Variants in TRPC5 observed in about 807,000 individuals in gnomAD.
TRPC5 encodes short transient receptor potential channel 5.
Under a neutral mutation model 56.5 loss-of-function variants are expected in TRPC5, and 9 were observed. The observed-to-expected ratio is 0.16, with a 90% confidence interval of 0.10 to 0.28. The LOEUF (loss-of-function observed/expected upper bound fraction) is 0.28. TRPC5 is among the 10% of genes least tolerant of loss of function. The pLI, the probability that TRPC5 is intolerant of heterozygous loss-of-function variation, is 1.00. For synonymous variants in TRPC5, 282 were observed against 278.5 expected (o/e 1.01, Z -0.13); for missense variants, 469 against 748.9 (o/e 0.63, Z 4.36).
chrX:111,846,612 C>T (rs1922934652), intron 6 of TRPC5, among the ~76,000 whole-genome samples: 1 of 111,249 alleles, frequency 9.0e-6, no homozygotes, highest in Admixed American at 9.6e-5. Context: ...AGAGTGGATT[C>T]TAGTCCTACC....
intron 7 of TRPC5, among the ~76,000 whole-genome samples, chrX:111,809,139 T>A (rs1921618024): frequency 9.0e-6 from 1 of 110,881 alleles, no homozygotes; most frequent in African/African-American, 3.3e-5. Flanking sequence ...GTACAAGCAC[T>A]CCCTTGGCCG....
chrX:112,074,944 G>A (rs950990411), intron 1 of TRPC5, among the ~76,000 whole-genome samples: 5 of 111,940 alleles, frequency 4.5e-5, no homozygotes, highest in African/African-American at 1.3e-4. Flanking sequence ...TAACTGCCCC[G>A]TAACAAATGT....
At chrX:111,964,641 C>T (rs200434258) in intron 1 of TRPC5, among the ~76,000 whole-genome samples, 1 of 112,573 alleles carries the variant, frequency 8.9e-6, no homozygotes, top group African/African-American at 3.2e-5. Context: ...AGAAACTCTA[C>T]AAGCCAGAAG....
At chrX:111,778,909 A>G in intron 10 of TRPC5, 76 bp downstream of exon 10, 4 of 725,063 alleles carry the variant, frequency 5.5e-6, no homozygotes, top group Non-Finnish European at 8.1e-6. Flanking sequence ...TTCCATCACC[A>G]GAAACCTCAC....
chrX:111,887,651 G>A lies in TRPC5; in HGVS notation c.900+24640C>T, dbSNP rs190322130. On this transcript the variant is annotated intron_variant, in intron 3 of 10. Transcript: ENST00000262839. ...AATGTGAAATGGAGATAAATTCTGTGTTACCCTACCCACCTCATATAGTAA... is the reference window on the plus strand; with the variant it reads ...AATGTGAAATGGAGATAAATTCTGTATTACCCTACCCACCTCATATAGTAA... Among the ~76,000 whole-genome samples, 35 of 112,303 alleles carry A rather than the reference G, an allele frequency of 3.1e-4. No individual in the cohort carries two copies. The East Asian group carries it at 8.1e-3, about 26-fold the overall frequency.
intron 1 of TRPC5, among the ~76,000 whole-genome samples, chrX:111,977,388 T>C (rs970695028): frequency 3.2e-4 from 36 of 111,952 alleles, no homozygotes; most frequent in African/African-American, 1.2e-3. Context: ...AAGGATAGAC[T>C]CTTCAACAAA....
At chrX:111,853,175 G>T (rs1242448093) in intron 4 of TRPC5, among the ~76,000 whole-genome samples, 1 of 111,510 alleles carries the variant, frequency 9.0e-6, no homozygotes, top group African/African-American at 3.3e-5. Flanking sequence ...TGATATTGCT[G>T]GTTTGGGGAC....
chrX:111,782,802 A>C (rs1313739102), intron 7 of TRPC5, among the ~76,000 whole-genome samples: 2 of 49,295 alleles, frequency 4.1e-5, no homozygotes, highest in South Asian at 1.3e-3. Flanking sequence ...CAATCATTAT[A>C]ATCAACACAC....
At chrX:111,800,783 A>G (rs954583796) in intron 7 of TRPC5, among the ~76,000 whole-genome samples, 2 of 111,154 alleles carry the variant, frequency 1.8e-5, no homozygotes, top group African/African-American at 6.5e-5. Context: ...TATAATATGT[A>G]TAACATACAA....
intron 2 of TRPC5, among the ~76,000 whole-genome samples, chrX:111,939,562 CT>C (rs774353935): frequency 9.0e-6 from 1 of 111,483 alleles, no homozygotes; most frequent in South Asian, 3.7e-4. Context: ...TTTATTATAG[CT>C]TTGTTCTCAT....
chrX:111,800,398 G>A (rs745947118), intron 7 of TRPC5, among the ~76,000 whole-genome samples: 1 of 111,448 alleles, frequency 9.0e-6, no homozygotes, highest in Non-Finnish European at 1.9e-5. Context: ...TTGGAAGGCC[G>A]AGGAGGGTGG....
chrX:111,896,485 C>G (rs150162769), intron 3 of TRPC5: 115 of 110,243 alleles, frequency 1.0e-3, no homozygotes, highest in African/African-American at 3.7e-3. Flanking sequence ...TCCCTCTCAG[C>G]TCTATCACAG....
At chrX:112,077,275 T>C (rs1027522483) in intron 1 of TRPC5, among the ~76,000 whole-genome samples, 2 of 111,741 alleles carry the variant, frequency 1.8e-5, no homozygotes, top group Non-Finnish European at 1.9e-5. Context: ...TTACATGAAC[T>C]CTCTTGCCCA....
In TRPC5 at chrX:111,771,013, A is replaced by G. The variant is rs1404465316; in HGVS notation, c.*5300T>C. ...AGTCAAAGGGCAAATATGCTGAAAA[A>G]TGGTGAAAATGACCTTCACGTTGCA... On this transcript the variant is annotated 3_prime_UTR_variant, in exon 11 of 11. Transcript: ENST00000262839. Among the ~76,000 whole-genome samples the G allele has an allele frequency of 8.9e-6, 1 of 112,031 alleles. No individual in the cohort carries two copies. The highest frequency in any genetic ancestry group is 1.9e-5 in the Non-Finnish European group (1 of 53,201).
intron 7 of TRPC5, among the ~76,000 whole-genome samples, chrX:111,803,612 AT>A (rs1189528321): frequency 8.9e-6 from 1 of 112,126 alleles, no homozygotes. Context: ...GATGGTGAGC[AT>A]TTTTTCATGT....
At chrX:111,993,316 G>T (rs762356370) in intron 1 of TRPC5, among the ~76,000 whole-genome samples, 7 of 111,769 alleles carry the variant, frequency 6.3e-5, no homozygotes, top group African/African-American at 2.3e-4. Flanking sequence ...GGACATTTGG[G>T]TTGGTTCCCA....
At chrX:112,059,462 G>T (rs1162644589) in intron 1 of TRPC5, among the ~76,000 whole-genome samples, 3 of 111,980 alleles carry the variant, frequency 2.7e-5, no homozygotes, top group Admixed American at 9.5e-5. Context: ...GAACTGTTCA[G>T]ATTCTTGACG....
chrX:111,894,719 T>TA (rs1232010890), intron 3 of TRPC5, among the ~76,000 whole-genome samples: 1 of 104,062 alleles, frequency 9.6e-6, no homozygotes, highest in Non-Finnish European at 1.9e-5. Context: ...GCCTAAAATT[T>TA]AAAAAATAAA....
intron 5 of TRPC5, among the ~76,000 whole-genome samples, chrX:111,851,101 G>A (rs1337239691): frequency 8.9e-6 from 1 of 112,234 alleles, no homozygotes; most frequent in African/African-American, 3.2e-5. Context: ...ATCACCACAT[G>A]TATAGGGCCT....
Sources: allele counts gnomAD v4.1 joint callset (sites outside exome capture counted in the v4.1 genomes callset), GRCh38; gene constraint gnomAD v4.1.1; transcripts MANE v1.5; gene names NCBI Gene and HGNC (gene_info 2026-07-23, HGNC 2026-07-21).